RGL1: variants seen among roughly 807,000 people sequenced by gnomAD.
RGL1 encodes the protein ral guanine nucleotide dissociation stimulator like 1, also known as ral guanine nucleotide dissociation stimulator-like 1.
RGL1 carries 24 observed loss-of-function variants against 95.2 expected under a neutral mutation model. The ratio of observed to expected loss-of-function variants is 0.25; its 90% CI spans 0.18 to 0.35. The LOEUF is 0.35. Among genes scored for constraint, RGL1 ranks in the 10% least tolerant of loss-of-function variants. The pLI, the probability that RGL1 is intolerant of heterozygous loss-of-function variation, is 1.00. For missense variants in RGL1, 715 were observed against 936.3 expected, an observed-to-expected ratio of 0.76 and a Z score of 3.08; for synonymous variants, 329 against 344.9, an observed-to-expected ratio of 0.95 and a Z score of 0.51.
chr1:183,727,376 C>T (rs1413895309), intron 1 of RGL1, among the ~76,000 whole-genome samples: 1 of 152,138 alleles, frequency 6.6e-6, no homozygotes, highest in African/African-American at 2.4e-5. Flanking sequence ...CCTCCTCAAT[C>T]TCATAAAAGG....
chr1:183,864,328 G>T (rs1302332842), intron 3 of RGL1, among the ~76,000 whole-genome samples: 1 of 152,150 alleles, frequency 6.6e-6, no homozygotes, highest in Non-Finnish European at 1.5e-5. Context: ...CAAAAACAAA[G>T]ATTAAGTCCC....
At chr1:183,808,826 A>G (rs187535495) in intron 2 of RGL1, among the ~76,000 whole-genome samples, 15 of 151,890 alleles carry the variant, frequency 9.9e-5, no homozygotes, top group African/African-American at 3.6e-4. Flanking sequence ...CCAGGGTCAC[A>G]CAGCTATGAA....
In RGL1 at chr1:183,926,449, C is replaced by T. The variant is rs1406278561; in HGVS notation, c.*157C>T. The T allele has an allele frequency of 1.2e-5, 6 of 488,120 alleles. No homozygotes were observed. The highest frequency in any genetic ancestry group is 4.1e-5 in the Admixed American group (1 of 24,402). 30.2% of individuals were successfully genotyped at this position (488,120 alleles called of 1,614,324 possible). A position where few individuals can be genotyped will look rare whatever the true frequency, so the allele number is the denominator to read the frequency against. ...GTGTGCAAAGCATTATGATAGGCAC[C>T]GTGGGGAAACTGGAAATGAATTTGA... On this transcript the variant is annotated 3_prime_UTR_variant, in exon 18 of 18. Coordinates refer to ENST00000360851, the MANE Select transcript of RGL1 (RefSeq NM_001297671.3).
intron 1 of RGL1, among the ~76,000 whole-genome samples, chr1:183,671,988 A>G (rs1652494419): frequency 1.4e-5 from 2 of 147,962 alleles, no homozygotes; most frequent in South Asian, 4.3e-4. Flanking sequence ...GCTGGAGTGC[A>G]GTGGCGCGAT....
intron 14 of RGL1, among the ~76,000 whole-genome samples, chr1:183,907,938 A>G (rs940973702): frequency 6.6e-6 from 1 of 152,170 alleles, no homozygotes; most frequent in Non-Finnish European, 1.5e-5. Flanking sequence ...TCAGTGTTAC[A>G]GTGAGCTATT....
rs573556542 is a variant in RGL1, at chr1:183,928,410, C to T, written c.*2118C>T. 1.3e-4 allele frequency: 20 copies of T among 152,572 alleles called. No individual in the cohort carries two copies. The highest frequency in any genetic ancestry group is 4.1e-4 in the African/African-American group (17 of 41,492). The allele number at this position is 152,572 out of a possible 1,614,324, so 9.5% of individuals were successfully genotyped here. The stretch of plus-strand genomic sequence containing the variant: ...TTAAATTTGTTTCCTGGTGGACAGC[C>T]GGGTAATGCTTTTAGCTGCTCGCAT... On this transcript the variant is annotated 3_prime_UTR_variant, in exon 18 of 18. Coordinates refer to ENST00000360851, the MANE Select transcript of RGL1 (RefSeq NM_001297671.3).
intron 2 of RGL1, among the ~76,000 whole-genome samples, chr1:183,834,782 C>G (rs1421774954): frequency 6.6e-6 from 1 of 152,018 alleles, no homozygotes; most frequent in African/African-American, 2.4e-5. Flanking sequence ...TTGTACTCGT[C>G]CGTTCAAGAG....
In RGL1 at chr1:183,897,994, C is replaced by T. The variant is rs975756331; in HGVS notation, c.1230+97C>T. 2.2e-5 allele frequency: 21 copies of T among 956,300 alleles called. No individual in the cohort carries two copies. The African/African-American group carries it at 3.3e-4, about 15-fold the overall frequency. The allele number at this position is 956,300 out of a possible 1,614,324, so 59.2% of individuals were successfully genotyped here. A position where few individuals can be genotyped will look rare whatever the true frequency, so the allele number is the denominator to read the frequency against. On this transcript the variant is annotated intron_variant, in intron 10 of 17. Transcript: ENST00000360851. ...GCACTGGCACCTTCAGTCAACAGGG[C>T]ACCCAGGCTTTCAGAAAGGGTCTCC...
chr1:183,658,503 G>A (rs559126485), intron 1 of RGL1, among the ~76,000 whole-genome samples: 46 of 152,304 alleles, frequency 3.0e-4, no homozygotes, highest in African/African-American at 1.1e-3. Flanking sequence ...GCGAGGCTGG[G>A]GGAGGGGTGC....
At chr1:183,711,922 C>A (rs921198632) in intron 1 of RGL1, among the ~76,000 whole-genome samples, 21 of 152,204 alleles carry the variant, frequency 1.4e-4, no homozygotes, top group African/African-American at 5.1e-4. Context: ...ATGCAAAGTG[C>A]TGTGTGGTCT....
intron 17 of RGL1, among the ~76,000 whole-genome samples, chr1:183,924,557 G>T (rs1669502188): frequency 6.6e-6 from 1 of 151,942 alleles, no homozygotes; most frequent in Admixed American, 6.6e-5. Flanking sequence ...AAGCCACCGT[G>T]GCACATATAT....
chr1:183,914,772 C>T (rs994017882), intron 15 of RGL1, among the ~76,000 whole-genome samples: 3 of 152,090 alleles, frequency 2.0e-5, no homozygotes, highest in African/African-American at 7.3e-5. Context: ...CAGGCATATT[C>T]TAGGCTTTAT....
intron 8 of RGL1, among the ~76,000 whole-genome samples, chr1:183,889,632 C>T (rs1667304270): frequency 6.6e-6 from 1 of 152,150 alleles, no homozygotes; most frequent in Non-Finnish European, 1.5e-5. Context: ...TGCCAGAATC[C>T]TCAAGCTTGC....
intron 1 of RGL1, among the ~76,000 whole-genome samples, chr1:183,703,726 G>A (rs1654736511): frequency 6.6e-6 from 1 of 152,182 alleles, no homozygotes; most frequent in Non-Finnish European, 1.5e-5. Flanking sequence ...TTTATCGGGT[G>A]GGATGTGAGT....
At chr1:183,757,586 TAGACATATC>T (rs1450640577) in intron 2 of RGL1, among the ~76,000 whole-genome samples, 1 of 152,188 alleles carries the variant, frequency 6.6e-6, no homozygotes, top group Non-Finnish European at 1.5e-5. Context: ...ATGGGTAAAA[TAGACATATC>T]AGTAGTGAGA....
chr1:183,811,743 T>A (rs1341258472), intron 2 of RGL1, among the ~76,000 whole-genome samples: 1 of 152,140 alleles, frequency 6.6e-6, no homozygotes, highest in African/African-American at 2.4e-5. Context: ...ATCAAGAATA[T>A]CCATTTCAAT....
At chr1:183,827,342 C>A (rs1218224318) in intron 2 of RGL1, among the ~76,000 whole-genome samples, 1 of 152,180 alleles carries the variant, frequency 6.6e-6, no homozygotes, top group Non-Finnish European at 1.5e-5. Flanking sequence ...GTCTCAGAGA[C>A]CTTTAACCCA....
At chr1:183,792,307 G>A (rs1032653114) in intron 2 of RGL1, among the ~76,000 whole-genome samples, 1 of 151,986 alleles carries the variant, frequency 6.6e-6, no homozygotes, top group Non-Finnish European at 1.5e-5. Flanking sequence ...GCCTCACTCA[G>A]CCTAGGTGAT....
chr1:183,734,787 A>G (rs1038736863), intron 1 of RGL1, among the ~76,000 whole-genome samples: 3 of 152,226 alleles, frequency 2.0e-5, no homozygotes, highest in Non-Finnish European at 4.4e-5. Context: ...GCAATAAAAA[A>G]GGCAGTCCCC....
Sources: allele counts gnomAD v4.1 joint callset (sites outside exome capture counted in the v4.1 genomes callset), GRCh38; gene constraint gnomAD v4.1.1; transcripts MANE v1.5; gene names NCBI Gene and HGNC (gene_info 2026-07-23, HGNC 2026-07-21).